Variants in DPY30 observed in about 807,000 individuals in gnomAD.
DPY30 encodes dpy-30 histone methyltransferase complex regulatory subunit.
A neutral mutation model predicts 16.2 loss-of-function variants in DPY30; 6 were observed. That is an observed-to-expected ratio of 0.37 (90% CI 0.20 to 0.73). The LOEUF (loss-of-function observed/expected upper bound fraction) is 0.73. DPY30 is among the 30% of genes least tolerant of loss of function. The pLI is 0.51. For missense variants in DPY30, 73 were observed against 113.1 expected (o/e 0.65, Z 1.61); for synonymous variants, 39 against 38.8 (o/e 1.00, Z -0.02).
At chr2:32,032,603 T>C (rs1318823967) in intron 3 of DPY30, among the ~76,000 whole-genome samples, 1 of 152,210 alleles carries the variant, frequency 6.6e-6, no homozygotes, top group Non-Finnish European at 1.5e-5. Flanking sequence ...CTCACATCTG[T>C]AATCCCAGTA....
intron 5 of DPY30, among the ~76,000 whole-genome samples, chr2:32,018,466 G>A (rs892602020): frequency 6.6e-6 from 1 of 152,146 alleles, no homozygotes; most frequent in Non-Finnish European, 1.5e-5. Flanking sequence ...AGTGGCTCAC[G>A]CCTGTAATCC....
Position 32,039,482 on chromosome 2 carries a change from C to G in DPY30, c.-26G>C. ...GGCGGACCCTGCAAGTCACAGTCCC[C>G]GGATACCAGTCTTGGAAAACAAGAA... On this transcript the variant is annotated 5_prime_UTR_variant, in exon 2 of 5. Transcript: ENST00000342166. 3 of 1,614,016 alleles carry G rather than the reference C, an allele frequency of 1.9e-6. No homozygotes were observed. Among genetic ancestry groups the G allele is most frequent in the East Asian group, 2.2e-5 (1 of 44,878 alleles).
chr2:32,038,702 T>G (rs559303549), intron 3 of DPY30, among the ~76,000 whole-genome samples: 2 of 145,098 alleles, frequency 1.4e-5, no homozygotes, highest in Non-Finnish European at 3.0e-5. Context: ...CAGGCTGTAG[T>G]GCAGTGGCGC....
chr2:32,011,934 T>C (rs1674938227), exon 6 of DPY30: 1 of 152,314 alleles, frequency 6.6e-6, no homozygotes, highest in Admixed American at 6.5e-5. Context: ...GCTTCGCCTG[T>C]GGTCCTAGCT....
chr2:32,039,234 T>A (rs1214929585), intron 3 of DPY30, 45 bp downstream of exon 3: 5 of 1,613,472 alleles, frequency 3.1e-6, no homozygotes, highest in Non-Finnish European at 3.4e-6. Flanking sequence ...TTTCTCCAGC[T>A]TGCAAGAGAC....
At chr2:32,019,258 A>G (rs1437183569), downstream of DPY30, among the ~76,000 whole-genome samples, 1 of 151,990 alleles carries the variant, frequency 6.6e-6, no homozygotes, top group African/African-American at 2.4e-5. Flanking sequence ...GCACCCAGCT[A>G]ATTGGTGACT....
At chr2:32,019,221 C>T (rs1013319316), downstream of DPY30, among the ~76,000 whole-genome samples, 10 of 152,246 alleles carry the variant, frequency 6.6e-5, no homozygotes, top group African/African-American at 2.4e-4. Context: ...GCCTTCTGAG[C>T]AGCTGGGACT....
At chr2:32,023,429 G>A (rs1303648298), downstream of DPY30, 4 of 470,682 alleles carry the variant, frequency 8.5e-6, no homozygotes, top group South Asian at 1.6e-5. Context: ...TACCAGCAGT[G>A]TTGTCTTGAG....
intron 4 of DPY30, among the ~76,000 whole-genome samples, chr2:32,027,890 A>G (rs1675392903): frequency 6.6e-6 from 1 of 151,806 alleles, no homozygotes; most frequent in Non-Finnish European, 1.5e-5. Context: ...GGCCTCCCAA[A>G]GTGTTGGGAT....
chr2:32,023,130 T>G (rs1231323904), downstream of DPY30, among the ~76,000 whole-genome samples: 1 of 151,288 alleles, frequency 6.6e-6, no homozygotes, highest in African/African-American at 2.4e-5. Context: ...CCCACCTTAT[T>G]CCAGTTGTGA....
intron 3 of DPY30, among the ~76,000 whole-genome samples, chr2:32,031,551 C>T (rs954920075): frequency 7.2e-5 from 11 of 151,900 alleles, no homozygotes; most frequent in Non-Finnish European, 1.2e-4. Context: ...GAGCTGAGGT[C>T]ATGCCACTGC....
intron 5 of DPY30, among the ~76,000 whole-genome samples, chr2:32,015,311 A>G (rs998572787): frequency 2.0e-5 from 3 of 152,116 alleles, no homozygotes; most frequent in Non-Finnish European, 4.4e-5. Context: ...TTTCAACTAA[A>G]ACTAGTGTTC....
intron 3 of DPY30, among the ~76,000 whole-genome samples, chr2:32,038,061 T>C (rs1271298162): frequency 6.6e-6 from 1 of 151,932 alleles, no homozygotes; most frequent in Non-Finnish European, 1.5e-5. Context: ...AGAAAGTATG[T>C]TGGGAGCTGT....
downstream of DPY30, among the ~76,000 whole-genome samples, chr2:32,019,037 A>G (rs913968864): frequency 6.6e-6 from 1 of 152,054 alleles, no homozygotes; most frequent in Non-Finnish European, 1.5e-5. Flanking sequence ...AAAACAAACA[A>G]AAAAACTTTC....
At chr2:32,027,656 A>G (rs1472210098) in intron 4 of DPY30, among the ~76,000 whole-genome samples, 12 of 114,930 alleles carry the variant, frequency 1.0e-4, no homozygotes, top group African/African-American at 1.7e-4. Flanking sequence ...TTTGAGACGG[A>G]GTCGCTCTGT....
At chr2:32,027,988 A>G (rs1163930271) in intron 4 of DPY30, among the ~76,000 whole-genome samples, 1 of 152,178 alleles carries the variant, frequency 6.6e-6, no homozygotes, top group African/African-American at 2.4e-5. Context: ...TCATAAATAA[A>G]TGGTAATTTA....
intron 4 of DPY30, among the ~76,000 whole-genome samples, chr2:32,028,377 C>A (rs1675411944): frequency 6.6e-6 from 1 of 152,106 alleles, no homozygotes. Flanking sequence ...GAATATGCAC[C>A]TAATAAACGT....
chr2:32,015,057 TGC>T (rs772122036), intron 5 of DPY30, among the ~76,000 whole-genome samples: 7 of 151,774 alleles, frequency 4.6e-5, no homozygotes, highest in Non-Finnish European at 8.8e-5. Flanking sequence ...TTGTATTTTG[TGC>T]CATATACATA....
chr2:32,026,282 C>T (rs1448260386), intron 4 of DPY30, among the ~76,000 whole-genome samples: 2 of 151,936 alleles, frequency 1.3e-5, no homozygotes, highest in Non-Finnish European at 2.9e-5. Flanking sequence ...TAGTGGCACA[C>T]GCCTGTAGTC....
Sources: gnomAD v4.1 joint callset for allele counts (sites outside exome capture counted in the v4.1 genomes callset) on GRCh38, gnomAD v4.1.1 for gene constraint, MANE v1.5 for transcripts, NCBI Gene and HGNC (gene_info 2026-07-23, HGNC 2026-07-21) for gene names.